Variants in JPH3 observed in about 807,000 individuals in gnomAD.
The protein encoded by JPH3 is junctophilin 3.
In JPH3, 11 loss-of-function variants were observed where a neutral mutation model predicts 59.6. The ratio of observed to expected loss-of-function variants is 0.18; its 90% confidence interval spans 0.12 to 0.31. The LOEUF is 0.31. Among genes scored for constraint, JPH3 ranks in the 10% least tolerant of loss-of-function variants. The pLI is 1.00. For missense variants in JPH3, 1,202 were observed against 1,105.7 expected (o/e 1.09, Z -1.24); for synonymous variants, 673 against 483.6 (o/e 1.39, Z -5.14).
At chr16:87,693,086 C>T (rs1382346973) in intron 4 of JPH3, among the ~76,000 whole-genome samples, 10 of 152,268 alleles carry the variant, frequency 6.6e-5, no homozygotes, top group South Asian at 4.1e-4. Context: ...ACTCACAATA[C>T]ACCTGCCTGA....
intron 3 of JPH3, chr16:87,684,567 G>A (rs938353939): frequency 3.6e-5 from 14 of 386,148 alleles, no homozygotes; most frequent in Non-Finnish European, 5.7e-5. Flanking sequence ...CCCAGCCTGT[G>A]CTGTCTGCTG....
intron 2 of JPH3, among the ~76,000 whole-genome samples, chr16:87,669,249 T>C (rs2032953842): frequency 6.6e-6 from 1 of 152,088 alleles, no homozygotes; most frequent in Non-Finnish European, 1.5e-5. Context: ...GTTAGTGGGA[T>C]TTGGGGTTCA....
At chr16:87,644,201 A>G (rs2032052663) in intron 1 of JPH3, 57 bp from the exon 2 acceptor site, 1 of 1,526,290 alleles carries the variant, frequency 6.6e-7, no homozygotes. Flanking sequence ...GTCCGTGGCC[A>G]GGCTGTGCCC....
chr16:87,618,359 G>C (rs1023190602), intron 1 of JPH3, among the ~76,000 whole-genome samples: 1 of 152,146 alleles, frequency 6.6e-6, no homozygotes, highest in African/African-American at 2.4e-5. Flanking sequence ...GGCGTGGACA[G>C]GCCGGGAAAA....
chr16:87,647,605 C>T (rs2032194735), intron 2 of JPH3, among the ~76,000 whole-genome samples: 1 of 152,206 alleles, frequency 6.6e-6, no homozygotes, highest in African/African-American at 2.4e-5. Flanking sequence ...GTGGTTCCTG[C>T]TTCCGCATGC....
At chr16:87,673,459 C>G (rs560559825) in intron 2 of JPH3, among the ~76,000 whole-genome samples, 1 of 152,266 alleles carries the variant, frequency 6.6e-6, no homozygotes, top group East Asian at 1.9e-4. Flanking sequence ...AACATTTAAA[C>G]TGCAGCTTTA....
intron 2 of JPH3, among the ~76,000 whole-genome samples, chr16:87,665,811 G>A (rs2032842869): frequency 6.6e-6 from 1 of 152,208 alleles, no homozygotes; most frequent in Non-Finnish European, 1.5e-5. Flanking sequence ...GGCCGATGGG[G>A]CAAAGACCTT....
chr16:87,674,265 T>C lies in JPH3; in HGVS notation c.1161-9877T>C, dbSNP rs1219978365. Among the ~76,000 whole-genome samples the C allele has an allele frequency of 8.6e-5, 13 of 150,442 alleles. 1 individual carries two copies. Among genetic ancestry groups the C allele is most frequent in the Admixed American group, 2.7e-4 (4 of 15,056 alleles). ...AGGAGAATGGCGTGAACCCGGGAGG[T>C]GGAGCTTGCAGTGAGCCGAGATCGC... is the stretch of plus-strand genomic sequence containing the variant. On this transcript the variant is annotated intron_variant, in intron 2 of 4. Coordinates refer to ENST00000284262, the MANE Select transcript of JPH3 (RefSeq NM_020655.4).
At chr16:87,642,383 C>T (rs1039420478) in intron 1 of JPH3, among the ~76,000 whole-genome samples, 1 of 152,328 alleles carries the variant, frequency 6.6e-6, no homozygotes, top group East Asian at 1.9e-4. Context: ...ATTTTGTCCT[C>T]TGAAAAGAGA....
chr16:87,680,628 G>T lies in JPH3; in HGVS notation c.1161-3514G>T, dbSNP rs116157166. Among the ~76,000 whole-genome samples, 1,153 of 152,070 alleles carry T rather than the reference G, an allele frequency of 7.6e-3. 17 individuals carry two copies. Among genetic ancestry groups the T allele is most frequent in the African/African-American group, 0.027 (1,105 of 41,484 alleles). ...TGGGGGGCCCCAGGTGAGCTCAGAT[G>T]CCCTCCCTGCCTGTGCCACCGTGGC... On this transcript the variant is annotated intron_variant, in intron 2 of 4. Coordinates refer to ENST00000284262, the MANE Select transcript of JPH3 (RefSeq NM_020655.4).
rs747217021 is a variant in JPH3, at chr16:87,690,046, C to G, written c.1686C>G (p.Gly562=). 34 of 1,559,000 alleles carry G rather than the reference C, an allele frequency of 2.2e-5. No individual in the cohort carries two copies. Among genetic ancestry groups the G allele is most frequent in the Non-Finnish European group, 2.8e-5 (32 of 1,151,614 alleles). Residue 562 remains glycine (G), a synonymous_variant, in exon 4 of 5, where the codon GGC becomes GGG. Coordinates refer to ENST00000284262, the MANE Select transcript of JPH3 (RefSeq NM_020655.4). ...ATGACTTCCGCACCCGAGGTTCGGGCCGCAAGCAGCCCGGGAACCCCAAGC... is the reference window on the plus strand; with the variant it reads ...ATGACTTCCGCACCCGAGGTTCGGGGCGCAAGCAGCCCGGGAACCCCAAGC... ...LVDDFRTRGS[G]RKQPGNPKPR...
chr16:87,618,649 C>T (rs2031061674), intron 1 of JPH3, among the ~76,000 whole-genome samples: 1 of 152,222 alleles, frequency 6.6e-6, no homozygotes, highest in Admixed American at 6.5e-5. Flanking sequence ...GCGTCCTCAT[C>T]CGCACCTGTC....
chr16:87,670,558 C>T (rs566674528), intron 2 of JPH3, among the ~76,000 whole-genome samples: 56 of 152,380 alleles, frequency 3.7e-4, no homozygotes, highest in African/African-American at 1.3e-3. Context: ...CTTCCAAGCC[C>T]ATGCCTGGGC....
intron 1 of JPH3, among the ~76,000 whole-genome samples, chr16:87,607,594 G>A (rs1489853989): frequency 6.6e-6 from 1 of 152,270 alleles, no homozygotes; most frequent in African/African-American, 2.4e-5. Context: ...GGGGAGCTCA[G>A]ATGACAGAGG....
intron 2 of JPH3, among the ~76,000 whole-genome samples, chr16:87,663,837 T>C (rs2034901958): frequency 6.6e-6 from 1 of 152,150 alleles, no homozygotes; most frequent in Non-Finnish European, 1.5e-5. Flanking sequence ...CTGCCGTTTT[T>C]ATTAGGGTTT....
intron 1 of JPH3, among the ~76,000 whole-genome samples, chr16:87,615,889 C>T (rs1203499294): frequency 2.0e-5 from 3 of 152,168 alleles, no homozygotes; most frequent in African/African-American, 7.2e-5. Flanking sequence ...GAGGAGACCT[C>T]CGGAAATCAT....
intron 4 of JPH3, chr16:87,695,251 C>A (rs1169870885): frequency 2.2e-6 from 1 of 453,564 alleles, no homozygotes; most frequent in Admixed American, 2.4e-5. Flanking sequence ...TCAGTCTTAA[C>A]AGACCACCCC....
intron 2 of JPH3, among the ~76,000 whole-genome samples, chr16:87,671,244 C>A (rs2033007931): frequency 6.6e-6 from 1 of 152,058 alleles, no homozygotes; most frequent in Non-Finnish European, 1.5e-5. Flanking sequence ...ACCTGCCTGC[C>A]CCAGAGACCA....
intron 2 of JPH3, among the ~76,000 whole-genome samples, chr16:87,671,970 C>G (rs764363992): frequency 6.6e-6 from 1 of 152,172 alleles, no homozygotes. Context: ...GTGGCCGCAC[C>G]CAGCCTCGCT....
Sources: gnomAD v4.1 joint callset for allele counts (sites outside exome capture counted in the v4.1 genomes callset) on GRCh38, gnomAD v4.1.1 for gene constraint, MANE v1.5 for transcripts, NCBI Gene and HGNC (gene_info 2026-07-23, HGNC 2026-07-21) for gene names.